The following ZNF12 variants were observed in gnomAD, a reference collection of about 807,000 sequenced individuals.
ZNF12 encodes the protein zinc finger protein 12, also known as gonadotropin inducible transcription repressor 3.
ZNF12 carries 34 observed loss-of-function variants against 66.6 expected under a neutral mutation model. That is an observed-to-expected ratio of 0.51 (90% confidence interval 0.39 to 0.68). The LOEUF is 0.68. ZNF12 is among the 30% of genes least tolerant of loss of function. The probability of loss-of-function intolerance (pLI) is 0.00; values close to 1 mark genes in which losing one functional copy is unlikely to be tolerated. For missense variants in ZNF12, 697 were observed against 826.9 expected (o/e 0.84, Z 1.93); for synonymous variants, 320 against 278.9 (o/e 1.15, Z -1.47).
chr7:6,699,547 T>C (rs879839424), intron 2 of ZNF12, among the ~76,000 whole-genome samples: 14 of 152,226 alleles, frequency 9.2e-5, no homozygotes, highest in Admixed American at 2.0e-4. Context: ...TGGGGAGCAA[T>C]AGCTGAGCTT....
At position 6,692,346 on chromosome 7, in the gene ZNF12, T is replaced by G. The variant is rs1259278729; in HGVS notation, c.596A>C (p.Tyr199Ser). The change falls in exon 5 of 5, where the codon TAT (tyrosine) becomes TCT (serine). Residue 199 changes from tyrosine to serine, a missense_variant. Physicochemically the swap from Tyr to Ser is moderately radical, Grantham distance 144 (BLOSUM62 -2). Coordinates refer to ENST00000405858, the MANE Select transcript of ZNF12 (RefSeq NM_016265.4). This position sits in a 1 kb window ranked among gnomAD's most constrained non-coding sequence, Gnocchi z 5.1. ...ATAAAGACTTTCTTCATTTAGAGTA[T>G]AAGGTTCCCCATTTTGATTAAATTC... ...AYEFNQNGEP[Y>S]TLNEESLYQK... The G allele has an allele frequency of 6.2e-7, 1 of 1,610,402 alleles. No individual in the cohort carries two copies. Among genetic ancestry groups the G allele is most frequent in the Non-Finnish European group, 8.5e-7 (1 of 1,178,292 alleles).
chr7:6,695,593 A>T (rs1223813464), intron 4 of ZNF12, among the ~76,000 whole-genome samples: 1 of 152,226 alleles, frequency 6.6e-6, no homozygotes, highest in Non-Finnish European at 1.5e-5. Context: ...CTTCTCAGAT[A>T]ATCAAAGAAA....
chr7:6,705,376 G>A lies in ZNF12; in HGVS notation c.-50-153C>T, dbSNP rs1167391310. On this transcript the variant is annotated intron_variant, in intron 1 of 4. Coordinates refer to ENST00000405858, the MANE Select transcript of ZNF12 (RefSeq NM_016265.4). This position sits in a 1 kb window ranked among gnomAD's most constrained non-coding sequence, Gnocchi z 4.0. ...TTCAGAAGGGATTGGAAAATGATCA[G>A]GAGGGGGACCGATCTGCACATTTGA... 6.6e-6 allele frequency among the ~76,000 whole-genome samples: 1 copy of A among 152,226 alleles called. No individual in the cohort carries two copies. Among genetic ancestry groups the A allele is most frequent in the Non-Finnish European group, 1.5e-5 (1 of 68,044 alleles).
At position 6,691,068 on chromosome 7, in the gene ZNF12, C is replaced by T. The variant is rs1304229205; in HGVS notation, c.1874G>A (p.Arg625Gln). ...SQMSYLTIHHRIHSGEKPFEC... is the reference protein window; with the variant it reads ...SQMSYLTIHHQIHSGEKPFEC... ...AAAGGGTTTCTCTCCTGAATGAATT[C>T]GATGATGTATAGTGAGATAGGACAT... is the stretch of plus-strand genomic sequence containing the variant. The change falls in exon 5 of 5, where the codon CGA (arginine) becomes CAA (glutamine). Residue 625 changes from arginine (R) to glutamine (Q), a missense_variant. Around this residue, in one of 3 missense-constraint regions of ZNF12, gnomAD observed 401 missense variants for 519.0 expected, o/e 0.77. Coordinates refer to ENST00000405858, the MANE Select transcript of ZNF12 (RefSeq NM_016265.4). 4.3e-6 allele frequency: 7 copies of T among 1,614,080 alleles called. No individual in the cohort carries two copies. Among genetic ancestry groups the T allele is most frequent in the Non-Finnish European group, 5.9e-6 (7 of 1,180,004 alleles).
Position 6,696,907 on chromosome 7 carries a change from G to C in ZNF12, c.238+432C>G, listed in dbSNP as rs923279757. Among the ~76,000 whole-genome samples, 2 of 150,904 alleles carry C rather than the reference G, an allele frequency of 1.3e-5. No homozygotes were observed. Among genetic ancestry groups the C allele is most frequent in the Admixed American group, 6.6e-5 (1 of 15,092 alleles). On this transcript the variant is annotated intron_variant, in intron 4 of 4. Coordinates refer to ENST00000405858, the MANE Select transcript of ZNF12 (RefSeq NM_016265.4). This position sits in a 1 kb window ranked among gnomAD's most constrained non-coding sequence, Gnocchi z 4.0. ...GGGAACTTTGGAGTCTAACCTCAAA[G>C]AAAGAAAAGTACAAAGTAGAACAGG...
rs758146016 is a variant in ZNF12, at chr7:6,692,237, G to A, written c.705C>T (p.His235=). Residue 235 remains histidine (H), a synonymous_variant, in exon 5 of 5, where the codon CAC becomes CAT. Transcript: ENST00000405858. The surrounding 1 kb of genome is among the most constrained non-coding windows in gnomAD (Gnocchi z 5.1). Reference sequence around the variant, plus strand: ...TCCACTTATAGGGCTTTTCTTCCATGTGATTAACAAAAACAGTGTCCTTTT... The same window carrying A: ...TCCACTTATAGGGCTTTTCTTCCATATGATTAACAAAAACAGTGTCCTTTT... The part of the protein sequence containing the change: ...AFQKDTVFVN[H]MEEKPYKWNG... 1.4e-5 allele frequency: 22 copies of A among 1,613,752 alleles called. No homozygotes were observed. Among genetic ancestry groups the A allele is most frequent in the African/African-American group, 4.0e-5 (3 of 74,930 alleles).
rs1224720683 is a variant in ZNF12, at chr7:6,706,315, C to T, written c.-51+117G>A. Reference sequence around the variant, plus strand: ...GCCGGACCCTGCCTTCAAACCCAAACACACGTCACTCCTGCAAGCGATCGA... The same window carrying T: ...GCCGGACCCTGCCTTCAAACCCAAATACACGTCACTCCTGCAAGCGATCGA... On this transcript the variant is annotated intron_variant, in intron 1 of 4. Coordinates refer to ENST00000405858, the MANE Select transcript of ZNF12 (RefSeq NM_016265.4). 13 of 439,340 alleles carry T rather than the reference C, an allele frequency of 3.0e-5. 1 individual carries two copies. Among genetic ancestry groups the T allele is most frequent in the Non-Finnish European group, 5.1e-5 (11 of 216,804 alleles). The allele number at this position is 439,340 out of a possible 1,614,324, so 27.2% of individuals were successfully genotyped here.
chr7:6,702,261 C>A (rs1408321792), intron 2 of ZNF12, among the ~76,000 whole-genome samples: 2 of 127,826 alleles, frequency 1.6e-5, no homozygotes, highest in Non-Finnish European at 3.3e-5. Context: ...CTCTACCAGA[C>A]TGCACATGGG....
Position 6,705,103 on chromosome 7 carries a change from C to T in ZNF12, c.15+56G>A. Reference sequence around the variant, plus strand: ...TTAAACTTTGAACCCTTAATCTCCTCCTAAGGTGTATTGTAAATCAGAGTA... The same window carrying T: ...TTAAACTTTGAACCCTTAATCTCCTTCTAAGGTGTATTGTAAATCAGAGTA... On this transcript the variant is annotated intron_variant, in intron 2 of 4. Coordinates refer to ENST00000405858, the MANE Select transcript of ZNF12 (RefSeq NM_016265.4). This position sits in a 1 kb window ranked among gnomAD's most constrained non-coding sequence, Gnocchi z 4.0. 3.1e-6 allele frequency: 5 copies of T among 1,598,012 alleles called. No homozygotes were observed. Among genetic ancestry groups the T allele is most frequent in the Non-Finnish European group, 4.3e-6 (5 of 1,170,068 alleles).
At chr7:6,700,336 C>T (rs11771111) in intron 2 of ZNF12, among the ~76,000 whole-genome samples, 66 of 143,054 alleles carry the variant, frequency 4.6e-4, no homozygotes, top group African/African-American at 1.2e-3. Flanking sequence ...CACACACACA[C>T]ATATATATAC....
chr7:6,692,171 A>C lies in ZNF12; in HGVS notation c.771T>G (p.Thr257=). 1.2e-6 allele frequency: 2 copies of C among 1,614,192 alleles called. No individual in the cohort carries two copies. The highest frequency in any genetic ancestry group is 8.5e-7 in the Non-Finnish European group (1 of 1,180,030). The stretch of plus-strand genomic sequence containing the variant: ...TTTCCATATGAGATGTCTGATGTAC[A>C]GTGAGGTCCGACATCTGGAGAAAGG... The part of the protein sequence containing the change: ...EIAFLQMSDL[T]VHQTSHMEMK... The change falls in exon 5 of 5, where the codon ACT becomes ACG. Residue 257 remains threonine, a synonymous_variant. Transcript: ENST00000405858. This position sits in a 1 kb window ranked among gnomAD's most constrained non-coding sequence, Gnocchi z 5.1.
rs1464439250 is a variant in ZNF12 at position 6,698,583 on chromosome 7, T to C, written c.16-772A>G. On this transcript the variant is annotated intron_variant, in intron 2 of 4. Transcript: ENST00000405858. The surrounding 1 kb of genome is among the most constrained non-coding windows in gnomAD (Gnocchi z 4.4). ...GGCTGGGCAACACACATTCTAGTTTTTATTTTTACTGCCAAGTGACCAAGC... is the reference window on the plus strand; with the variant it reads ...GGCTGGGCAACACACATTCTAGTTTCTATTTTTACTGCCAAGTGACCAAGC... 6.6e-6 allele frequency among the ~76,000 whole-genome samples: 1 copy of C among 152,228 alleles called. No individual in the cohort carries two copies. The highest frequency in any genetic ancestry group is 1.5e-5 in the Non-Finnish European group (1 of 68,046).
Position 6,692,414 on chromosome 7 carries a change from G to C in ZNF12, c.528C>G (p.Leu176=), listed in dbSNP as rs775184942. Residue 176 remains leucine, a synonymous_variant, in exon 5 of 5, where the codon CTC becomes CTG. Coordinates refer to ENST00000405858, the MANE Select transcript of ZNF12 (RefSeq NM_016265.4). This position sits in a 1 kb window ranked among gnomAD's most constrained non-coding sequence, Gnocchi z 5.1. ...DECSGCGKSL[L]HIKLEKTHPG... ...GATGAGTTTTCTCAAGCTTAATATG[G>C]AGGAGTGATTTCCCACATCCACTAC... is the stretch of plus-strand genomic sequence containing the variant. 1.2e-6 allele frequency: 2 copies of C among 1,613,316 alleles called. No homozygotes were observed. The highest frequency in any genetic ancestry group is 4.5e-5 in the East Asian group (2 of 44,858).
At chr7:6,694,653 T>C (rs1008495679) in intron 4 of ZNF12, among the ~76,000 whole-genome samples, 7 of 152,172 alleles carry the variant, frequency 4.6e-5, no homozygotes, top group Non-Finnish European at 1.0e-4. Flanking sequence ...GTGTGCCTGA[T>C]CAATGCCCAG....
At chr7:6,700,336 C>CACACATATAT (rs59783256) in intron 2 of ZNF12, among the ~76,000 whole-genome samples, 12 of 143,074 alleles carry the variant, frequency 8.4e-5, no homozygotes, top group South Asian at 4.4e-4. Flanking sequence ...CACACACACA[C>CACACATATAT]ATATATATAC....
chr7:6,700,362 A>G (rs1217000674), intron 2 of ZNF12, among the ~76,000 whole-genome samples: 1 of 148,792 alleles, frequency 6.7e-6, no homozygotes, highest in Non-Finnish European at 1.5e-5. Flanking sequence ...TGCCAGGGAC[A>G]CGATCTTGAC....
Position 6,702,958 on chromosome 7 carries a change from AAC to A in ZNF12, c.15+2199_15+2200del, listed in dbSNP as rs143823177. The stretch of plus-strand genomic sequence containing the variant: ...CACACACACCAGATTCGTGTCCCAA[AAC>A]ACACACACACACACACACACCTGCC... On this transcript the variant is annotated intron_variant, in intron 2 of 4. Coordinates refer to ENST00000405858, the MANE Select transcript of ZNF12 (RefSeq NM_016265.4). 3.8e-3 allele frequency among the ~76,000 whole-genome samples: 379 copies of A among 100,828 alleles called. 10 individuals are homozygous for A. Among genetic ancestry groups the A allele is most frequent in the African/African-American group, 9.5e-3 (180 of 18,996 alleles). 66.1% of individuals were successfully genotyped at this position (100,828 alleles called of 152,430 possible). A position where few individuals can be genotyped will look rare whatever the true frequency, so the allele number is the denominator to read the frequency against.
rs1356199460 is a variant in ZNF12, at chr7:6,697,984, G to C, written c.16-173C>G. On this transcript the variant is annotated intron_variant, in intron 2 of 4. Transcript: ENST00000405858. This position sits in a 1 kb window ranked among gnomAD's most constrained non-coding sequence, Gnocchi z 6.1. ...AATACACTGTTCTGGGGTTCATTCAGTATACATCAAACAAAAAACAAAAAA... is the reference window on the plus strand; with the variant it reads ...AATACACTGTTCTGGGGTTCATTCACTATACATCAAACAAAAAACAAAAAA... 2 of 879,806 alleles carry C rather than the reference G, an allele frequency of 2.3e-6. No homozygotes were observed. The highest frequency in any genetic ancestry group is 3.8e-6 in the Non-Finnish European group (2 of 526,942). The allele number at this position is 879,806 out of a possible 1,614,324, so 54.5% of individuals were successfully genotyped here.
rs1554294757 is a variant in ZNF12 at position 6,700,300 on chromosome 7, A to AAAT, written c.16-2490_16-2489insATT. The stretch of plus-strand genomic sequence containing the variant: ...ACTCCGTCTGAGAGGAAAAAAAAAA[A>AAAT]ATATACACACACACACACACACACA... On this transcript the variant is annotated intron_variant, in intron 2 of 4. Transcript: ENST00000405858. 8.9e-4 allele frequency among the ~76,000 whole-genome samples: 76 copies of AAAT among 85,498 alleles called. 1 individual carries two copies. Among genetic ancestry groups the AAAT allele is most frequent in the African/African-American group, 3.7e-3 (58 of 15,576 alleles). 56.1% of individuals were successfully genotyped at this position (85,498 alleles called of 152,430 possible).
Sources: gnomAD v4.1 joint callset for allele counts (sites outside exome capture counted in the v4.1 genomes callset) on GRCh38, gnomAD v4.1.1 for gene constraint, gnomAD v4.1.1 regional missense constraint, Gnocchi (gnomAD v3.1) non-coding constraint, MANE v1.5 for transcripts, NCBI Gene and HGNC (gene_info 2026-07-23, HGNC 2026-07-21) for gene names.